The following IGF1R variants were observed in gnomAD, a reference collection of about 807,000 sequenced individuals.
IGF1R encodes insulin-like growth factor 1 receptor.
A neutral mutation model predicts 144.6 loss-of-function variants in IGF1R; 44 were observed. The ratio of observed to expected loss-of-function variants is 0.30; its 90% confidence interval spans 0.24 to 0.39. The LOEUF is 0.39. Among genes scored for constraint, IGF1R ranks in the 10% least tolerant of loss-of-function variants. IGF1R has a pLI of 1.00. For synonymous variants in IGF1R, 795 were observed against 722.8 expected, an observed-to-expected ratio of 1.10 and a Z score of -1.60; for missense variants, 1,355 against 1,833.7, an observed-to-expected ratio of 0.74 and a Z score of 4.77.
At chr15:98,952,797 T>C (rs1334005281) in intron 20 of IGF1R, 4 of 152,220 alleles carry the variant, frequency 2.6e-5, no homozygotes, top group African/African-American at 9.6e-5. Context: ...GAGCGGTTAC[T>C]CTGACATTCA....
chr15:98,801,911 T>G (rs2056372455), intron 2 of IGF1R, among the ~76,000 whole-genome samples: 1 of 152,136 alleles, frequency 6.6e-6, no homozygotes, highest in Non-Finnish European at 1.5e-5. Flanking sequence ...CTGTCCGTGT[T>G]TTGGTGTTTT....
chr15:98,835,762 C>G (rs982532989), intron 2 of IGF1R, among the ~76,000 whole-genome samples: 13 of 152,266 alleles, frequency 8.5e-5, no homozygotes, highest in African/African-American at 2.4e-4. Flanking sequence ...GGAACTAACT[C>G]CTGTAAAATG....
At chr15:98,861,746 A>T (rs1030151665) in intron 2 of IGF1R, among the ~76,000 whole-genome samples, 1 of 152,258 alleles carries the variant, frequency 6.6e-6, no homozygotes, top group African/African-American at 2.4e-5. Flanking sequence ...GAGAAGCCTT[A>T]GCATGGCTCT....
intron 2 of IGF1R, among the ~76,000 whole-genome samples, chr15:98,885,881 A>G (rs993453585): frequency 1.2e-4 from 18 of 150,454 alleles, no homozygotes; most frequent in African/African-American, 4.2e-4. Context: ...AAATGGTGCA[A>G]TCTTGGCTCA....
At chr15:98,913,415 G>A in intron 8 of IGF1R, 133 bp downstream of exon 8, 3 of 796,014 alleles carry the variant, frequency 3.8e-6, no homozygotes. Flanking sequence ...GTAATACTGT[G>A]TCATATTCAT....
intron 2 of IGF1R, among the ~76,000 whole-genome samples, chr15:98,739,804 C>A (rs374392855): frequency 7.9e-5 from 12 of 152,170 alleles, no homozygotes; most frequent in African/African-American, 2.7e-4. Context: ...GTTGCCCAGG[C>A]TGTTCTCGAA....
chr15:98,663,705 T>C (rs2052655076), intron 1 of IGF1R, among the ~76,000 whole-genome samples: 1 of 152,190 alleles, frequency 6.6e-6, no homozygotes, highest in Non-Finnish European at 1.5e-5. Context: ...AGGCTGGTTC[T>C]GGGCTGGGCC....
chr15:98,653,280 T>A (rs1045054334), intron 1 of IGF1R, among the ~76,000 whole-genome samples: 11 of 152,216 alleles, frequency 7.2e-5, no homozygotes, highest in African/African-American at 2.7e-4. Flanking sequence ...ATGGTTTTTT[T>A]CAGGATAGAG....
chr15:98,752,711 G>A (rs1010518888), intron 2 of IGF1R, among the ~76,000 whole-genome samples: 5 of 151,738 alleles, frequency 3.3e-5, no homozygotes, highest in African/African-American at 1.2e-4. Context: ...AAGTATGTGA[G>A]CCTTATCCCC....
intron 1 of IGF1R, among the ~76,000 whole-genome samples, chr15:98,654,221 A>G (rs2052435211): frequency 6.6e-6 from 1 of 151,858 alleles, no homozygotes. Flanking sequence ...ATGTCACTGT[A>G]GACTGTGACA....
chr15:98,777,581 C>T (rs772318023), intron 2 of IGF1R, among the ~76,000 whole-genome samples: 1 of 152,228 alleles, frequency 6.6e-6, no homozygotes, highest in African/African-American at 2.4e-5. Context: ...CTCAGCACAT[C>T]TCAGTGATGG....
chr15:98,687,535 C>T (rs2053360143), intron 1 of IGF1R, among the ~76,000 whole-genome samples: 1 of 152,180 alleles, frequency 6.6e-6, no homozygotes, highest in South Asian at 2.1e-4. Flanking sequence ...CTGGAAGGCA[C>T]AGGGAGGTTT....
At chr15:98,762,033 CCT>C (rs2055312213) in intron 2 of IGF1R, among the ~76,000 whole-genome samples, 1 of 152,104 alleles carries the variant, frequency 6.6e-6, no homozygotes, top group Admixed American at 6.5e-5. Context: ...GCATTTGTTC[CCT>C]GTTTGGGGGC....
At chr15:98,836,728 A>G (rs1196392280) in intron 2 of IGF1R, among the ~76,000 whole-genome samples, 5 of 152,150 alleles carry the variant, frequency 3.3e-5, no homozygotes, top group Non-Finnish European at 7.4e-5. Flanking sequence ...TACTATATCT[A>G]GTCTTCTCCA....
At chr15:98,705,225 G>A (rs957600776) in intron 1 of IGF1R, among the ~76,000 whole-genome samples, 50 of 152,176 alleles carry the variant, frequency 3.3e-4, no homozygotes, top group Admixed American at 2.3e-3. Context: ...CAGGGAAGCC[G>A]AGAGGAGGAG....
chr15:98,694,146 T>TA (rs1420520225), intron 1 of IGF1R, among the ~76,000 whole-genome samples: 1 of 152,146 alleles, frequency 6.6e-6, no homozygotes, highest in African/African-American at 2.4e-5. Flanking sequence ...ATTTTTTTTT[T>TA]AAAGCATAAT....
chr15:98,939,379 A>G lies in IGF1R; in HGVS notation c.3457+19A>G, dbSNP rs1328186280. 1 of 1,613,624 alleles carries G rather than the reference A, an allele frequency of 6.2e-7. No individual in the cohort carries two copies. Among genetic ancestry groups the G allele is most frequent in the Non-Finnish European group, 8.5e-7 (1 of 1,179,568 alleles). ...ATCGGAGGTGTGTCCTTAGCTTTCC[A>G]GGTCTGGGCAAGAACTAAACTCAGG... On this transcript the variant is annotated intron_variant, in intron 18 of 20. Coordinates refer to ENST00000650285, the MANE Select transcript of IGF1R (RefSeq NM_000875.5).
At chr15:98,674,412 C>T (rs1252897977) in intron 1 of IGF1R, among the ~76,000 whole-genome samples, 3 of 152,170 alleles carry the variant, frequency 2.0e-5, no homozygotes, top group African/African-American at 7.2e-5. Flanking sequence ...TCACCCTAGG[C>T]TTCCTCGTCC....
intron 1 of IGF1R, among the ~76,000 whole-genome samples, chr15:98,664,455 A>T (rs981948501): frequency 1.3e-5 from 2 of 152,126 alleles, no homozygotes; most frequent in African/African-American, 4.8e-5. Context: ...ACCTGAAATC[A>T]GGAGTTCGAG....
Sources: allele counts gnomAD v4.1 joint callset (sites outside exome capture counted in the v4.1 genomes callset), GRCh38; gene constraint gnomAD v4.1.1; transcripts MANE v1.5; gene names NCBI Gene and HGNC (gene_info 2026-07-23, HGNC 2026-07-21).